Variants in SLC35H1 observed in about 807,000 individuals in gnomAD.
SLC35H1 encodes ovarian cancer-overexpressed gene 1 protein.
the SLC35H1 span, chr20:46,356,422 G>A: frequency 1.4e-6 from 1 of 728,944 alleles, no homozygotes; most frequent in Non-Finnish European, 2.3e-6. Context: ...ACTTCCCGGA[G>A]AGCTGCTGGG....
the SLC35H1 span, among the ~76,000 whole-genome samples, chr20:46,363,453 C>T: frequency 1.3e-5 from 2 of 152,212 alleles, no homozygotes; most frequent in African/African-American, 4.8e-5. Flanking sequence ...ATTTCTCACG[C>T]TCCCAATCTA....
At chr20:46,352,483 CGGATCCTAGCGGGATGATG>C in the SLC35H1 span, 1 of 437,048 alleles carries the variant, frequency 2.3e-6, no homozygotes, top group Non-Finnish European at 4.1e-6. Context: ...CAGGATGATG[CGGATCCTAGCGGGATGATG>C]GGACCCTAGC....
the SLC35H1 span, chr20:46,358,316 T>G: frequency 1.5e-6 from 2 of 1,374,972 alleles, no homozygotes; most frequent in East Asian, 2.3e-5. Context: ...CTGTTAAACA[T>G]GAAGGGCACC....
chr20:46,353,115 T>C, the SLC35H1 span: 1 of 152,238 alleles, frequency 6.6e-6, no homozygotes, highest in Admixed American at 6.5e-5. Flanking sequence ...TTCATTTTAA[T>C]CTAGGTCTTG....
At chr20:46,346,248 A>G in the SLC35H1 span, 1 of 152,206 alleles carries the variant, frequency 6.6e-6, no homozygotes, top group Admixed American at 6.5e-5. Context: ...ACGAAACTAA[A>G]TAACCATGGG....
chr20:46,359,373 G>A, the SLC35H1 span, among the ~76,000 whole-genome samples: 3 of 152,196 alleles, frequency 2.0e-5, no homozygotes, highest in Admixed American at 6.5e-5. Context: ...TGTCCCCTGA[G>A]AGGCTACGAG....
At chr20:46,348,934 T>C in the SLC35H1 span, 1 of 152,232 alleles carries the variant, frequency 6.6e-6, no homozygotes, top group Non-Finnish European at 1.5e-5. Context: ...TATCTGGCCC[T>C]TTACAGGAAG....
the SLC35H1 span, among the ~76,000 whole-genome samples, chr20:46,353,403 C>T: frequency 1.1e-3 from 171 of 152,348 alleles, no homozygotes; most frequent in Non-Finnish European, 1.9e-3. Context: ...GCGTCCCTCC[C>T]ACACGAAAGT....
chr20:46,355,868 T>G, the SLC35H1 span: 2 of 1,613,936 alleles, frequency 1.2e-6, no homozygotes, highest in Non-Finnish European at 1.7e-6. This position sits in a 1 kb window ranked among gnomAD's most constrained non-coding sequence, Gnocchi z 4.8. Flanking sequence ...ATTTGGTCAT[T>G]GTGTACCTGG....
At chr20:46,359,264 C>T in the SLC35H1 span, among the ~76,000 whole-genome samples, 1 of 152,236 alleles carries the variant, frequency 6.6e-6, no homozygotes, top group South Asian at 2.1e-4. Flanking sequence ...GGGAACCCCA[C>T]CCCATCCCCT....
the SLC35H1 span, chr20:46,352,416 C>T: frequency 8.4e-6 from 5 of 592,890 alleles, no homozygotes; most frequent in Non-Finnish European, 1.5e-5. Context: ...CCTGGGGAAA[C>T]CAGGGAAGCA....
At chr20:46,350,718 G>A in the SLC35H1 span, 1 of 1,606,624 alleles carries the variant, frequency 6.2e-7, no homozygotes, top group Non-Finnish European at 8.5e-7. Flanking sequence ...GTCACAGGGA[G>A]AAGAACAGAA....
the SLC35H1 span, among the ~76,000 whole-genome samples, chr20:46,360,144 A>T: frequency 6.6e-6 from 1 of 152,220 alleles, no homozygotes; most frequent in Non-Finnish European, 1.5e-5. Flanking sequence ...AGATTAGCTT[A>T]TAATTATCTG....
At chr20:46,347,975 G>A in the SLC35H1 span, 1 of 152,256 alleles carries the variant, frequency 6.6e-6, no homozygotes, top group Non-Finnish European at 1.5e-5. Flanking sequence ...CGGAGCTGGG[G>A]CTGTGTGGGG....
the SLC35H1 span, chr20:46,363,977 C>T: frequency 6.6e-6 from 1 of 152,414 alleles, no homozygotes; most frequent in East Asian, 1.9e-4. Context: ...ATACTTTCTC[C>T]AATGCCCCAC....
the SLC35H1 span, chr20:46,357,745 A>T: frequency 6.2e-7 from 1 of 1,614,084 alleles, no homozygotes; most frequent in Non-Finnish European, 8.5e-7. Flanking sequence ...CAGGTGCAGC[A>T]TCGTCATGAA....
the SLC35H1 span, among the ~76,000 whole-genome samples, chr20:46,361,445 TCTC>T: frequency 6.6e-6 from 1 of 152,234 alleles, no homozygotes; most frequent in African/African-American, 2.4e-5. Flanking sequence ...TCTCTCTACT[TCTC>T]CTGCAACCAC....
At chr20:46,354,608 T>C in the SLC35H1 span, among the ~76,000 whole-genome samples, 9 of 152,344 alleles carry the variant, frequency 5.9e-5, no homozygotes, top group Admixed American at 4.6e-4. Flanking sequence ...CACCAGGTTT[T>C]TGGAAGGATG....
chr20:46,350,853 C>T, the SLC35H1 span: 5 of 1,614,068 alleles, frequency 3.1e-6, no homozygotes, highest in Non-Finnish European at 2.5e-6. Context: ...GATCTGATCG[C>T]CCAGCAGATG....
Sources: allele counts gnomAD v4.1 joint callset (sites outside exome capture counted in the v4.1 genomes callset), GRCh38; gene constraint gnomAD v4.1.1; non-coding constraint Gnocchi (gnomAD v3.1); transcripts MANE v1.5; gene names NCBI Gene and HGNC (gene_info 2026-07-23, HGNC 2026-07-21).